Variants in PTPRC observed in about 807,000 individuals in gnomAD.
The protein encoded by PTPRC is protein tyrosine phosphatase receptor type C.
PTPRC carries 44 observed loss-of-function variants against 155.9 expected under a neutral mutation model. The ratio of observed to expected loss-of-function variants is 0.28; its 90% confidence interval spans 0.22 to 0.36. PTPRC has a LOEUF of 0.36. PTPRC is among the 10% of genes least tolerant of loss of function. The probability of loss-of-function intolerance (pLI) is 1.00; values close to 1 mark genes in which losing one functional copy is unlikely to be tolerated. For synonymous variants in PTPRC, 525 were observed against 533.1 expected (o/e 0.98, Z 0.21); for missense variants, 1,401 against 1,564.6 (o/e 0.90, Z 1.76).
At chr1:198,733,536 G>A (rs1654491407) in intron 20 of PTPRC, among the ~76,000 whole-genome samples, 1 of 151,822 alleles carries the variant, frequency 6.6e-6, no homozygotes, top group Non-Finnish European at 1.5e-5. Context: ...ATCCCTCTCT[G>A]AAGAGCTCCT....
chr1:198,753,617 CT>C (rs1655487814), intron 31 of PTPRC, among the ~76,000 whole-genome samples: 1 of 151,962 alleles, frequency 6.6e-6, no homozygotes, highest in African/African-American at 2.4e-5. Flanking sequence ...GAAGTTTACA[CT>C]GTAAAACTAT....
At chr1:198,717,945 G>GT (rs1423941021) in intron 13 of PTPRC, 149 bp from the exon 14 acceptor site, 5 of 691,204 alleles carry the variant, frequency 7.2e-6, no homozygotes, top group African/African-American at 1.8e-5. Context: ...TTTTGATATT[G>GT]TTTTTTAATT....
At chr1:198,730,222 T>C (rs1654325298) in intron 17 of PTPRC, among the ~76,000 whole-genome samples, 1 of 152,168 alleles carries the variant, frequency 6.6e-6, no homozygotes, top group Non-Finnish European at 1.5e-5. Flanking sequence ...TCTGTGTTAA[T>C]CTGTGTTGGA....
intron 2 of PTPRC, among the ~76,000 whole-genome samples, chr1:198,692,101 T>C (rs2102368207): frequency 6.6e-6 from 1 of 152,216 alleles, no homozygotes; most frequent in East Asian, 1.9e-4. Context: ...GATCCTTTAG[T>C]CTGTTATGTT....
chr1:198,665,267 T>C (rs1010519298), intron 2 of PTPRC, among the ~76,000 whole-genome samples: 2 of 151,576 alleles, frequency 1.3e-5, no homozygotes, highest in Non-Finnish European at 2.9e-5. Flanking sequence ...TTTTTCTTTT[T>C]TTTTTTTTGT....
At chr1:198,680,731 T>C (rs1665273060) in intron 2 of PTPRC, among the ~76,000 whole-genome samples, 1 of 151,774 alleles carries the variant, frequency 6.6e-6, no homozygotes. Flanking sequence ...TGGACCAGGG[T>C]AAAGGCAATG....
At chr1:198,724,295 T>C (rs1258680077) in intron 15 of PTPRC, among the ~76,000 whole-genome samples, 1 of 152,184 alleles carries the variant, frequency 6.6e-6, no homozygotes, top group Admixed American at 6.5e-5. Context: ...CTACTAGGGA[T>C]GTGTTGTTGG....
intron 2 of PTPRC, among the ~76,000 whole-genome samples, chr1:198,688,093 G>A (rs1192873325): frequency 6.6e-6 from 1 of 151,626 alleles, no homozygotes; most frequent in Non-Finnish European, 1.5e-5. Context: ...GTGTGTGTGT[G>A]TGTGTCTGTG....
rs771120252 is a variant in PTPRC at position 198,716,748 on chromosome 1, C to T, written c.1358C>T (p.Thr453Met). Residue 453 changes from threonine (T) to methionine (M), a missense_variant, in exon 13 of 33, where the codon ACG becomes ATG. Thr to Met is a moderately conservative substitution (Grantham distance 81). Transcript: ENST00000442510. ...KYDLQNLKPY[T>M]KYVLSLHAYI... Reference sequence around the variant, plus strand: ...GATTTGCAAAATTTAAAACCTTATACGAAATATGTTTTATCATTACATGCC... The same window carrying T: ...GATTTGCAAAATTTAAAACCTTATATGAAATATGTTTTATCATTACATGCC... The T allele has an allele frequency of 1.1e-5, 18 of 1,612,616 alleles. No individual in the cohort carries two copies. The highest frequency in any genetic ancestry group is 4.5e-5 in the East Asian group (2 of 44,820).
chr1:198,654,757 TAATAAA>T (rs1663460074), intron 2 of PTPRC, among the ~76,000 whole-genome samples: 1 of 151,890 alleles, frequency 6.6e-6, no homozygotes, highest in African/African-American at 2.4e-5. Context: ...GTAATAATAG[TAATAAA>T]TATGTATAAC....
intron 2 of PTPRC, among the ~76,000 whole-genome samples, chr1:198,645,868 T>G (rs1662910833): frequency 1.3e-5 from 2 of 151,802 alleles, no homozygotes; most frequent in Non-Finnish European, 2.9e-5. Context: ...TTGCCAGGGA[T>G]TTCTTAGTGT....
rs539987851 is a variant in PTPRC at position 198,754,238 on chromosome 1, G to GATT, written c.3510-27_3510-25dup. 455 of 1,589,412 alleles carry GATT rather than the reference G, an allele frequency of 2.9e-4. 6 individuals carry two copies. In the South Asian group the frequency reaches 4.7e-3, roughly 16 times the overall value. On this transcript the variant is annotated intron_variant, in intron 31 of 32. Transcript: ENST00000442510. Reference sequence around the variant, plus strand: ...TATCACCCTTTTTGGTGAGAAGTAGGATTATTTTCTATCTTTTCTTTCTTT... The same window carrying GATT: ...TATCACCCTTTTTGGTGAGAAGTAGGATTATTATTTTCTATCTTTTCTTTCTTT...
intron 26 of PTPRC, among the ~76,000 whole-genome samples, chr1:198,745,607 G>A (rs2102526614): frequency 6.6e-6 from 1 of 151,906 alleles, no homozygotes; most frequent in African/African-American, 2.4e-5. Context: ...TTGATCACCT[G>A]AAATTTATGA....
chr1:198,698,714 G>A (rs1376718275), intron 4 of PTPRC, among the ~76,000 whole-genome samples: 1 of 151,508 alleles, frequency 6.6e-6, no homozygotes, highest in East Asian at 1.9e-4. Context: ...TGTATATACT[G>A]TTAAGTATAT....
chr1:198,683,625 T>C (rs556849814), intron 2 of PTPRC, among the ~76,000 whole-genome samples: 2 of 152,210 alleles, frequency 1.3e-5, no homozygotes, highest in East Asian at 3.9e-4. Flanking sequence ...ATCAGAGCTT[T>C]AAGAAAATAC....
chr1:198,659,899 T>C (rs1230719143), intron 2 of PTPRC, among the ~76,000 whole-genome samples: 1 of 151,534 alleles, frequency 6.6e-6, no homozygotes, highest in African/African-American at 2.4e-5. Context: ...CAAAGAAAGA[T>C]ATTTTGGTAG....
chr1:198,663,899 G>A (rs913138369), intron 2 of PTPRC, among the ~76,000 whole-genome samples: 5 of 151,992 alleles, frequency 3.3e-5, no homozygotes, highest in Admixed American at 1.3e-4. Flanking sequence ...ATGACATCAT[G>A]TTACCTGCCT....
At chr1:198,641,225 G>A (rs1163023912) in intron 2 of PTPRC, among the ~76,000 whole-genome samples, 1 of 151,956 alleles carries the variant, frequency 6.6e-6, no homozygotes, top group African/African-American at 2.4e-5. Flanking sequence ...TGCAAATATT[G>A]TTTATAATCC....
Position 198,709,794 on chromosome 1 carries a change from G to T in PTPRC, c.1141G>T (p.Ala381Ser). The stretch of plus-strand genomic sequence containing the variant: ...CTATAATAACCACAAGTTTACTAAC[G>T]CAAGTAAAATTATTAAAACAGATTT... ...ILYNNHKFTN[A>S]SKIIKTDFGS... is the part of the protein sequence containing the mutation. The change falls in exon 11 of 33, where the codon GCA becomes TCA. Residue 381 changes from alanine to serine, a missense_variant. Transcript: ENST00000442510. The T allele has an allele frequency of 6.2e-7, 1 of 1,612,296 alleles. No homozygotes were observed. Among genetic ancestry groups the T allele is most frequent in the Non-Finnish European group, 8.5e-7 (1 of 1,179,096 alleles).
Sources: allele counts gnomAD v4.1 joint callset (sites outside exome capture counted in the v4.1 genomes callset), GRCh38; gene constraint gnomAD v4.1.1; transcripts MANE v1.5; gene names NCBI Gene and HGNC (gene_info 2026-07-23, HGNC 2026-07-21).